Variants in ODAD2 observed in about 807,000 individuals in gnomAD.
The protein encoded by ODAD2 is outer dynein arm-docking complex subunit 2.
ODAD2 carries 89 observed loss-of-function variants against 106.8 expected under a neutral mutation model. The ratio of observed to expected loss-of-function variants is 0.83; its 90% confidence interval spans 0.70 to 0.99. The LOEUF (loss-of-function observed/expected upper bound fraction) is 0.99, where lower values mean the gene tolerates loss of function less well. ODAD2 is among the 50% of genes least tolerant of loss of function. The probability of loss-of-function intolerance (pLI) is 0.00; values close to 1 mark genes in which losing one functional copy is unlikely to be tolerated. For synonymous variants in ODAD2, 404 were observed against 436.2 expected, an observed-to-expected ratio of 0.93 and a Z score of 0.92; for missense variants, 1,168 against 1,238.5, an observed-to-expected ratio of 0.94 and a Z score of 0.85.
chr10:27,994,878 C>A, intron 2 of ODAD2, 41 bp downstream of exon 2: 1 of 1,604,898 alleles, frequency 6.2e-7, no homozygotes, highest in South Asian at 1.1e-5. Context: ...ATACTATGTA[C>A]AACGAAGATA....
rs541038566 is a variant in ODAD2, at chr10:27,928,816, C to T, written c.2495+6194G>A. On this transcript the variant is annotated intron_variant, in intron 16 of 19. Transcript: ENST00000305242. ...GCAACAATACTAGCCTACATTTACACACAGCACTTATTATATGTCAGTCAC... is the reference window on the plus strand; with the variant it reads ...GCAACAATACTAGCCTACATTTACATACAGCACTTATTATATGTCAGTCAC... Among the ~76,000 whole-genome samples the T allele has an allele frequency of 3.3e-5, 5 of 152,224 alleles. No homozygotes were observed. In the South Asian group the frequency reaches 6.2e-4, roughly 19 times the overall value.
chr10:27,909,318 A>T (rs1843823071), intron 16 of ODAD2, among the ~76,000 whole-genome samples: 1 of 152,180 alleles, frequency 6.6e-6, no homozygotes, highest in Admixed American at 6.5e-5. Flanking sequence ...TTTGCAATTT[A>T]AAAAAAGGAA....
intron 19 of ODAD2, among the ~76,000 whole-genome samples, chr10:27,820,283 C>A (rs1193223019): frequency 6.6e-6 from 1 of 151,960 alleles, no homozygotes; most frequent in Non-Finnish European, 1.5e-5. Flanking sequence ...CAAAATCTAG[C>A]CTGCGTTTCG....
At chr10:27,981,837 T>C (rs954296984) in intron 6 of ODAD2, 1 of 280,888 alleles carries the variant, frequency 3.6e-6, no homozygotes, top group Non-Finnish European at 6.6e-6. Context: ...ACCTCCTATA[T>C]GCATGTAAGG....
At position 27,971,093 on chromosome 10, in the gene ODAD2, C is replaced by A; in HGVS notation, c.1142+15G>T. On this transcript the variant is annotated intron_variant, in intron 8 of 19. Coordinates refer to ENST00000305242, the MANE Select transcript of ODAD2 (RefSeq NM_018076.5). ...CTAATGCTGCATCTGAAAACAAATG[C>A]AAATATCTACATACCCTTTGTAATT... 2 of 1,591,888 alleles carry A rather than the reference C, an allele frequency of 1.3e-6. No homozygotes were observed. Among genetic ancestry groups the A allele is most frequent in the South Asian group, 1.1e-5 (1 of 88,638 alleles).
chr10:27,924,614 G>GAA (rs60226782), intron 16 of ODAD2, among the ~76,000 whole-genome samples: 217 of 12,642 alleles, frequency 0.017, 24 homozygotes, highest in African/African-American at 0.022. Context: ...TGATTAGGAG[G>GAA]AAAAAAAAAA....
intron 14 of ODAD2, among the ~76,000 whole-genome samples, chr10:27,938,824 C>A (rs1045122063): frequency 1.3e-5 from 2 of 151,824 alleles, no homozygotes; most frequent in African/African-American, 4.8e-5. Flanking sequence ...GGTCTTGAAC[C>A]CCTGACCTGA....
intron 16 of ODAD2, among the ~76,000 whole-genome samples, chr10:27,919,926 T>A (rs1402792268): frequency 6.6e-6 from 1 of 152,150 alleles, no homozygotes. Context: ...ACTAAACAAT[T>A]AAGTGTAAAA....
chr10:27,882,451 G>A (rs1021357319), intron 17 of ODAD2, among the ~76,000 whole-genome samples: 11 of 152,048 alleles, frequency 7.2e-5, no homozygotes, highest in African/African-American at 2.7e-4. Context: ...TAAACAGAGG[G>A]GAAGCATGTC....
At chr10:27,955,696 GGTGTGTGTGT>G (rs56731384) in intron 10 of ODAD2, among the ~76,000 whole-genome samples, 11,471 of 142,946 alleles carry the variant, frequency 0.08, 498 homozygotes, top group Non-Finnish European at 0.09. Context: ...AACCAATTAA[GGTGTGTGTGT>G]GTGTGTGTGT....
In ODAD2 at chr10:27,981,581, C is replaced by T. The variant is rs1375996174; in HGVS notation, c.821G>A (p.Gly274Asp). 3 of 1,536,758 alleles carry T rather than the reference C, an allele frequency of 2.0e-6. No homozygotes were observed. Among genetic ancestry groups the T allele is most frequent in the African/African-American group, 2.9e-5 (2 of 69,584 alleles). ...CSAGGVFLNG[G>D]KTDDEGDVNY... is the part of the protein sequence containing the mutation. ...AACGTCCCCTTCATCATCTGTTTTG[C>T]CCTTTGGGAAAAAACAAGTTTCATT... The change falls in exon 7 of 20, where the codon GGC (glycine) becomes GAC (aspartate). Residue 274 changes from glycine (G) to aspartate (D), a missense_variant and splice_region_variant. Gly to Asp is a moderately conservative substitution (Grantham distance 94). Coordinates refer to ENST00000305242, the MANE Select transcript of ODAD2 (RefSeq NM_018076.5).
chr10:27,896,660 C>T (rs1451489290), intron 17 of ODAD2, among the ~76,000 whole-genome samples: 6 of 152,082 alleles, frequency 3.9e-5, no homozygotes, highest in Non-Finnish European at 1.5e-5. Flanking sequence ...GTACTCAGAG[C>T]AATGTGTTTA....
chr10:27,851,784 T>G (rs971525757), intron 19 of ODAD2, among the ~76,000 whole-genome samples: 1 of 152,102 alleles, frequency 6.6e-6, no homozygotes, highest in Non-Finnish European at 1.5e-5. Flanking sequence ...CTGAAAAATT[T>G]CTAAATATGA....
chr10:27,899,945 G>T (rs1045689247), intron 17 of ODAD2, among the ~76,000 whole-genome samples: 9 of 152,174 alleles, frequency 5.9e-5, no homozygotes, highest in African/African-American at 2.2e-4. Flanking sequence ...GGATCTCTCA[G>T]CACAGCACTC....
At chr10:27,871,137 G>A (rs1241815040) in intron 17 of ODAD2, among the ~76,000 whole-genome samples, 1 of 152,150 alleles carries the variant, frequency 6.6e-6, no homozygotes, top group Non-Finnish European at 1.5e-5. Flanking sequence ...GTGTCTATTG[G>A]CTACATAAAT....
At chr10:27,828,439 C>T (rs1166672119) in intron 19 of ODAD2, among the ~76,000 whole-genome samples, 4 of 151,972 alleles carry the variant, frequency 2.6e-5, no homozygotes, top group African/African-American at 9.7e-5. Flanking sequence ...ATGGGAAAGG[C>T]CGGGAGAAGG....
intron 19 of ODAD2, among the ~76,000 whole-genome samples, chr10:27,814,992 T>G (rs1836018215): frequency 6.6e-6 from 1 of 152,226 alleles, no homozygotes; most frequent in African/African-American, 2.4e-5. Context: ...ATTTTAAATC[T>G]TCCTTCTTCT....
rs1212940940 is a variant in ODAD2 at position 27,837,722 on chromosome 10, T to C, written c.3021+22903A>G. Among the ~76,000 whole-genome samples the C allele has an allele frequency of 2.6e-5, 4 of 152,298 alleles. No individual in the cohort carries two copies. In the South Asian group the frequency reaches 8.3e-4, roughly 32 times the overall value. ...TAAATATTTCTCTTACTTTTGCTCA[T>C]GGGTAAACAAAGACGTAGAGAATCA... is the stretch of plus-strand genomic sequence containing the variant. On this transcript the variant is annotated intron_variant, in intron 19 of 19. Transcript: ENST00000305242.
chr10:27,824,458 C>A (rs1229913055), intron 19 of ODAD2, among the ~76,000 whole-genome samples: 1 of 152,174 alleles, frequency 6.6e-6, no homozygotes, highest in Admixed American at 6.5e-5. Context: ...CCACCTACTG[C>A]CCTTCTGCCA....
Sources: gnomAD v4.1 joint callset for allele counts (sites outside exome capture counted in the v4.1 genomes callset) on GRCh38, gnomAD v4.1.1 for gene constraint, MANE v1.5 for transcripts, NCBI Gene and HGNC (gene_info 2026-07-23, HGNC 2026-07-21) for gene names.